The following NF1 variants were observed in gnomAD, a reference collection of about 807,000 sequenced individuals.
NF1 encodes the protein neurofibromin 1, also known as neurofibromin.
NF1 carries 122 observed loss-of-function variants against 325.7 expected under a neutral mutation model. The ratio of observed to expected loss-of-function variants is 0.37; its 90% CI spans 0.32 to 0.44. The LOEUF is 0.44. Among genes scored for constraint, NF1 ranks in the 20% least tolerant of loss-of-function variants. The pLI is 1.00. For missense variants in NF1, 2,140 were observed against 3,415.4 expected, an observed-to-expected ratio of 0.63 and a Z score of 9.31; for synonymous variants, 1,091 against 1,186.0, an observed-to-expected ratio of 0.92 and a Z score of 1.65.
At chr17:31,347,160 T>C (rs1567622584) in intron 48 of NF1, among the ~76,000 whole-genome samples, 1 of 151,370 alleles carries the variant, frequency 6.6e-6, no homozygotes, top group Non-Finnish European at 1.5e-5. Context: ...ATAAGACCAT[T>C]TGGAATTACT....
At chr17:31,110,415 A>G (rs1913295886) in intron 1 of NF1, among the ~76,000 whole-genome samples, 2 of 152,260 alleles carry the variant, frequency 1.3e-5, no homozygotes, top group Non-Finnish European at 2.9e-5. Flanking sequence ...TTTTACTAAA[A>G]CTGCAACATA....
intron 1 of NF1, among the ~76,000 whole-genome samples, chr17:31,104,789 G>C (rs372707198): frequency 2.0e-5 from 3 of 152,226 alleles, no homozygotes; most frequent in East Asian, 3.9e-4. Context: ...TATAACTGCT[G>C]TTTATAGTAC....
intron 8 of NF1, among the ~76,000 whole-genome samples, chr17:31,191,478 G>T (rs1318849814): frequency 6.6e-6 from 1 of 152,164 alleles, no homozygotes; most frequent in Non-Finnish European, 1.5e-5. Context: ...TCGGCAACAT[G>T]TGTAAATCTC....
intron 46 of NF1, among the ~76,000 whole-genome samples, chr17:31,339,015 A>G (rs556005649): frequency 6.6e-6 from 1 of 152,224 alleles, no homozygotes; most frequent in Admixed American, 6.5e-5. Flanking sequence ...AGCGCTTGTA[A>G]GTTTTTGGTC....
chr17:31,338,283 ATTAT>A (rs1597845450), intron 45 of NF1, 144 bp downstream of exon 45: 5 of 690,984 alleles, frequency 7.2e-6, no homozygotes, highest in East Asian at 2.8e-5. Context: ...ATGTATTTTG[ATTAT>A]TTATTGTAAT....
At position 31,227,514 on chromosome 17, in the gene NF1, T is replaced by G; in HGVS notation, c.2326-9T>G. The G allele has an allele frequency of 6.2e-7, 1 of 1,613,636 alleles. No homozygotes were observed. The highest frequency in any genetic ancestry group is 2.2e-5 in the East Asian group (1 of 44,860). On this transcript the variant is annotated splice_polypyrimidine_tract_variant and intron_variant, in intron 19 of 57. Transcript: ENST00000358273. ...AGTTGCTTTCAAGTGATAATTGCCT[T>G]CATTTTAGGCTTGGGAAGATACACA...
Position 31,206,470 on chromosome 17 carries a change from G to A in NF1, c.1392+99G>A, listed in dbSNP as rs1597689271. 14 of 1,361,886 alleles carry A rather than the reference G, an allele frequency of 1.0e-5. No individual in the cohort carries two copies. The East Asian group carries it at 3.2e-4, about 32-fold the overall frequency. The allele number at this position is 1,361,886 out of a possible 1,614,324, so 84.4% of individuals were successfully genotyped here. Reference sequence around the variant, plus strand: ...GCTGCTTTGGTTATTTTAGAGAATTGAATGGGTCCTTCATTTCCTCTAAAT... The same window carrying A: ...GCTGCTTTGGTTATTTTAGAGAATTAAATGGGTCCTTCATTTCCTCTAAAT... On this transcript the variant is annotated intron_variant, in intron 12 of 57. Transcript: ENST00000358273.
At position 31,129,619 on chromosome 17, in the gene NF1, C is replaced by T. The variant is rs1439904037; in HGVS notation, c.61-26364C>T. Reference sequence around the variant, plus strand: ...TGATTTTTTGTATTTTTCGTAGAGACGGGGTTTCACCATGTTGACCAGGCT... The same window carrying T: ...TGATTTTTTGTATTTTTCGTAGAGATGGGGTTTCACCATGTTGACCAGGCT... On this transcript the variant is annotated intron_variant, in intron 1 of 57. Coordinates refer to ENST00000358273, the MANE Select transcript of NF1 (RefSeq NM_001042492.3). 5.3e-5 allele frequency among the ~76,000 whole-genome samples: 8 copies of T among 152,056 alleles called. 1 individual carries two copies. The highest frequency in any genetic ancestry group is 3.4e-3 in the Middle Eastern group (1 of 294).
intron 32 of NF1, 55 bp downstream of exon 32, chr17:31,258,557 A>G (rs2151462402): frequency 6.4e-7 from 1 of 1,573,432 alleles, no homozygotes; most frequent in African/African-American, 1.3e-5. Context: ...CTAAATTTTC[A>G]GCTTTTCTTA....
At chr17:31,191,150 A>G (rs1426640676) in intron 8 of NF1, among the ~76,000 whole-genome samples, 1 of 152,248 alleles carries the variant, frequency 6.6e-6, no homozygotes, top group Admixed American at 6.5e-5. Flanking sequence ...TAGAATGATA[A>G]CATAAGGTTA....
At chr17:31,284,991 C>T (rs2068197131) in intron 36 of NF1, among the ~76,000 whole-genome samples, 2 of 152,042 alleles carry the variant, frequency 1.3e-5, no homozygotes, top group South Asian at 4.1e-4. Context: ...ATGCTTTGCG[C>T]GCCTGTAATT....
At position 31,246,067 on chromosome 17, in the gene NF1, T is replaced by C. The variant is rs17881634; in HGVS notation, c.3975-2917T>C. On this transcript the variant is annotated intron_variant, in intron 29 of 57. Coordinates refer to ENST00000358273, the MANE Select transcript of NF1 (RefSeq NM_001042492.3). ...GAATCAGGAGCAGAGACCAAATATATATTTATCACAATACCCTTGAATTAT... is the reference window on the plus strand; with the variant it reads ...GAATCAGGAGCAGAGACCAAATATACATTTATCACAATACCCTTGAATTAT... 6.8e-3 allele frequency among the ~76,000 whole-genome samples: 1,028 copies of C among 152,272 alleles called. 18 individuals are homozygous for C. The highest frequency in any genetic ancestry group is 0.023 in the African/African-American group (964 of 41,540).
At position 31,327,481 on chromosome 17, in the gene NF1, G is replaced by A. The variant is rs371616556; in HGVS notation, c.5269-18G>A. ...GTTTAATTCTTCTCCACTTCACCCCGTCACCACCACTTTCCAGGTTGGTTC... is the reference window on the plus strand; with the variant it reads ...GTTTAATTCTTCTCCACTTCACCCCATCACCACCACTTTCCAGGTTGGTTC... On this transcript the variant is annotated intron_variant, in intron 37 of 57. Transcript: ENST00000358273. 25 of 1,600,568 alleles carry A rather than the reference G, an allele frequency of 1.6e-5. No individual in the cohort carries two copies. The East Asian group carries it at 3.1e-4, about 20-fold the overall frequency.
intron 48 of NF1, chr17:31,346,201 T>A (rs2854313): frequency 0.54 from 829,163 of 1,548,908 alleles, 207,307 homozygotes; most frequent in Middle Eastern, 0.59. Flanking sequence ...CCCTGCCCAA[T>A]GGAAGAACCA....
At chr17:31,356,210 C>T in intron 51 of NF1, 1 of 417,814 alleles carries the variant, frequency 2.4e-6, no homozygotes. Flanking sequence ...CTCCAGTGTA[C>T]AGAATACAAT....
chr17:31,180,914 C>A (rs1304727657), intron 5 of NF1, among the ~76,000 whole-genome samples: 3 of 152,158 alleles, frequency 2.0e-5, no homozygotes, highest in Non-Finnish European at 4.4e-5. Flanking sequence ...GATACAAAAT[C>A]AATGTGCAAA....
At chr17:31,349,093 G>T (rs1435517771) in intron 48 of NF1, 27 bp from the exon 49 acceptor site, 2 of 1,550,808 alleles carry the variant, frequency 1.3e-6, no homozygotes, top group East Asian at 4.8e-5. Context: ...TTACTTGTTT[G>T]TTTGTTTGTT....
At position 31,224,642 on chromosome 17, in the gene NF1, A is replaced by G. The variant is rs201113717; in HGVS notation, c.1846-453A>G. 5.9e-5 allele frequency among the ~76,000 whole-genome samples: 9 copies of G among 152,196 alleles called. No homozygotes were observed. The East Asian group carries it at 1.7e-3, about 29-fold the overall frequency. On this transcript the variant is annotated intron_variant, in intron 16 of 57. Transcript: ENST00000358273. The stretch of plus-strand genomic sequence containing the variant: ...TCATAGTGCCCTGGTAGGCATAGTC[A>G]CTCTTGTGACATACTTGGTGTATAT...
chr17:31,342,887 T>C, intron 47 of NF1, 122 bp from the exon 48 acceptor site: 1 of 1,280,776 alleles, frequency 7.8e-7, no homozygotes. Flanking sequence ...CAACTGAAAA[T>C]AATTTCTCTC....
Sources: gnomAD v4.1 joint callset for allele counts (sites outside exome capture counted in the v4.1 genomes callset) on GRCh38, gnomAD v4.1.1 for gene constraint, MANE v1.5 for transcripts, NCBI Gene and HGNC (gene_info 2026-07-23, HGNC 2026-07-21) for gene names.